SGCZ: variants seen among roughly 807,000 people sequenced by gnomAD.
The protein encoded by SGCZ is zeta-sarcoglycan.
SGCZ carries 40 observed loss-of-function variants against 41.3 expected under a neutral mutation model. The observed-to-expected ratio is 0.97, with a 90% confidence interval of 0.75 to 1.26. The LOEUF (loss-of-function observed/expected upper bound fraction) is 1.26, where lower values mean the gene tolerates loss of function less well. SGCZ is among the 50% of genes most tolerant of loss of function. The pLI, the probability that SGCZ is intolerant of heterozygous loss-of-function variation, is 0.00. For missense variants in SGCZ, 552 were observed against 369.8 expected (o/e 1.49, Z -4.04); for synonymous variants, 206 against 137.5 (o/e 1.50, Z -3.49).
chr8:14,664,486 A>G (rs7815018), intron 1 of SGCZ, among the ~76,000 whole-genome samples: 90,151 of 152,084 alleles, frequency 0.59, 29,133 homozygotes, highest in African/African-American at 0.84. Flanking sequence ...GTATATAGGA[A>G]TAGAAAAAGA....
At chr8:14,970,602 C>G (rs923712970) in intron 1 of SGCZ, among the ~76,000 whole-genome samples, 1 of 152,070 alleles carries the variant, frequency 6.6e-6, no homozygotes, top group Non-Finnish European at 1.5e-5. Context: ...TGCTGAAAAT[C>G]GGTTGTTCAC....
intron 1 of SGCZ, among the ~76,000 whole-genome samples, chr8:14,961,144 A>G (rs779056578): frequency 1.3e-5 from 2 of 152,078 alleles, no homozygotes; most frequent in Non-Finnish European, 2.9e-5. Flanking sequence ...CTTTTAGCCT[A>G]TGGGTACTTT....
intron 1 of SGCZ, among the ~76,000 whole-genome samples, chr8:14,988,509 T>A (rs1474092400): frequency 6.6e-6 from 1 of 152,038 alleles, no homozygotes; most frequent in Admixed American, 6.6e-5. Context: ...TAAATATGGA[T>A]TGAGAATAGT....
chr8:14,470,272 G>T (rs74911437), intron 2 of SGCZ, among the ~76,000 whole-genome samples: 5,730 of 152,046 alleles, frequency 0.038, 281 homozygotes, highest in African/African-American at 0.12. Context: ...TGTTTTTTCT[G>T]CACACAATGA....
chr8:14,226,985 G>T (rs1210337396), intron 4 of SGCZ, among the ~76,000 whole-genome samples: 1 of 152,042 alleles, frequency 6.6e-6, no homozygotes, highest in African/African-American at 2.4e-5. Context: ...TTCTTCCCCA[G>T]ATACATTTAC....
At chr8:14,563,424 G>A (rs942911135) in intron 1 of SGCZ, among the ~76,000 whole-genome samples, 1 of 152,162 alleles carries the variant, frequency 6.6e-6, no homozygotes, top group Admixed American at 6.5e-5. Context: ...AAAGAAAAAA[G>A]TCGTTAAGGA....
chr8:14,716,066 A>G (rs2036829), intron 1 of SGCZ, among the ~76,000 whole-genome samples: 56,170 of 151,946 alleles, frequency 0.37, 12,390 homozygotes, highest in African/African-American at 0.61. Context: ...TTCGGAAAAT[A>G]CCAGATAGCA....
At chr8:15,020,112 C>A (rs933117785) in intron 1 of SGCZ, among the ~76,000 whole-genome samples, 7 of 151,920 alleles carry the variant, frequency 4.6e-5, no homozygotes, top group African/African-American at 7.3e-5. Flanking sequence ...CGAGACTCCC[C>A]AAACTAGATT....
intron 4 of SGCZ, among the ~76,000 whole-genome samples, chr8:14,236,248 G>C (rs1218518887): frequency 6.6e-6 from 1 of 151,924 alleles, no homozygotes; most frequent in Non-Finnish European, 1.5e-5. Flanking sequence ...ATTTAATCTT[G>C]AATCCATTTG....
intron 1 of SGCZ, among the ~76,000 whole-genome samples, chr8:14,874,434 A>G (rs1804273757): frequency 6.6e-6 from 1 of 152,152 alleles, no homozygotes; most frequent in South Asian, 2.1e-4. Flanking sequence ...TCAAGAAAAT[A>G]TGTTACTAAA....
chr8:14,087,952 A>G lies in SGCZ; in HGVS notation c.*2491T>C, dbSNP rs1331356315. On this transcript the variant is annotated 3_prime_UTR_variant, in exon 8 of 8. Coordinates refer to ENST00000382080, the MANE Select transcript of SGCZ (RefSeq NM_139167.4). ...CCGATTTGTTATATCATCTGGATACAGTCTAAAGCTCTCAAGCTTGTAAGT... is the reference window on the plus strand; with the variant it reads ...CCGATTTGTTATATCATCTGGATACGGTCTAAAGCTCTCAAGCTTGTAAGT... Among the ~76,000 whole-genome samples, 1 of 151,758 alleles carries G rather than the reference A, an allele frequency of 6.6e-6. No homozygotes were observed. Among genetic ancestry groups the G allele is most frequent in the Non-Finnish European group, 1.5e-5 (1 of 67,800 alleles).
At chr8:14,486,585 C>G (rs749414477) in intron 2 of SGCZ, among the ~76,000 whole-genome samples, 1 of 152,154 alleles carries the variant, frequency 6.6e-6, no homozygotes, top group African/African-American at 2.4e-5. Flanking sequence ...TGTGTGCGCG[C>G]GCGTGCGCAC....
intron 2 of SGCZ, among the ~76,000 whole-genome samples, chr8:14,452,127 T>C (rs1319292000): frequency 6.6e-6 from 1 of 152,108 alleles, no homozygotes; most frequent in East Asian, 1.9e-4. Flanking sequence ...ATCCAAACAA[T>C]GGAATGTTAT....
Position 14,996,606 on chromosome 8 carries a change from T to G in SGCZ, c.39+240979A>C, listed in dbSNP as rs1802228417. 3.3e-5 allele frequency among the ~76,000 whole-genome samples: 5 copies of G among 152,142 alleles called. No homozygotes were observed. In the South Asian group the frequency reaches 1.0e-3, roughly 31 times the overall value. On this transcript the variant is annotated intron_variant, in intron 1 of 7. Coordinates refer to ENST00000382080, the MANE Select transcript of SGCZ (RefSeq NM_139167.4). ...AATTGTCATTGAGGAAGTCAGATGGTGGAATTCAGAACTGACTCTACAGTT... is the reference window on the plus strand; with the variant it reads ...AATTGTCATTGAGGAAGTCAGATGGGGGAATTCAGAACTGACTCTACAGTT...
At chr8:14,856,017 T>A (rs918353046) in intron 1 of SGCZ, among the ~76,000 whole-genome samples, 3 of 152,230 alleles carry the variant, frequency 2.0e-5, no homozygotes, top group Non-Finnish European at 2.9e-5. Context: ...TTCAAGCACA[T>A]AATTTCTCCA....
intron 2 of SGCZ, among the ~76,000 whole-genome samples, chr8:14,381,307 G>C (rs1180218514): frequency 2.0e-5 from 3 of 152,154 alleles, no homozygotes; most frequent in Non-Finnish European, 4.4e-5. Context: ...GAGTTAGAAA[G>C]AAATTCTGAA....
At chr8:14,248,462 A>T (rs1563211281) in intron 3 of SGCZ, among the ~76,000 whole-genome samples, 1 of 152,120 alleles carries the variant, frequency 6.6e-6, no homozygotes, top group Non-Finnish European at 1.5e-5. Context: ...GATGAAAACT[A>T]GAAAGTAAGT....
intron 1 of SGCZ, among the ~76,000 whole-genome samples, chr8:14,833,425 T>C (rs1303682287): frequency 1.3e-5 from 2 of 152,278 alleles, no homozygotes; most frequent in South Asian, 2.1e-4. Flanking sequence ...TCGTGTCTTT[T>C]TGTGAGGTAT....
intron 1 of SGCZ, among the ~76,000 whole-genome samples, chr8:15,199,465 C>T (rs989339644): frequency 3.3e-5 from 5 of 152,046 alleles, no homozygotes; most frequent in South Asian, 4.1e-4. Flanking sequence ...TTATGAGATT[C>T]GAATGATCCA....
Sources: gnomAD v4.1 joint callset for allele counts (sites outside exome capture counted in the v4.1 genomes callset) on GRCh38, gnomAD v4.1.1 for gene constraint, MANE v1.5 for transcripts, NCBI Gene and HGNC (gene_info 2026-07-23, HGNC 2026-07-21) for gene names.